The following SAMMSON variants were observed in gnomAD, a reference collection of about 807,000 sequenced individuals.
SAMMSON encodes long intergenic non-protein coding RNA 1212.
intron 4 of SAMMSON, among the ~76,000 whole-genome samples, chr3:70,159,056 G>C (rs996416924): frequency 6.6e-6 from 1 of 151,608 alleles, no homozygotes; most frequent in Admixed American, 6.6e-5. Context: ...TTTACATTAG[G>C]ACAAAAATTT....
rs139450473 is a variant in SAMMSON at position 70,165,760 on chromosome 3, C to A, written n.508-83347C>A. 6.1e-3 allele frequency among the ~76,000 whole-genome samples: 929 copies of A among 152,074 alleles called. 5 individuals carry two copies. Among genetic ancestry groups the A allele is most frequent in the African/African-American group, 0.02 (813 of 41,520 alleles). ...CTTCTCTGTCTACTCTTTTAAAGTTCTTGCTCATCAAATTTACCATTCTTA... is the reference window on the plus strand; with the variant it reads ...CTTCTCTGTCTACTCTTTTAAAGTTATTGCTCATCAAATTTACCATTCTTA... On this transcript the variant is annotated intron_variant and non_coding_transcript_variant, in intron 4 of 9. Coordinates refer to ENST00000642114, the Ensembl canonical transcript of SAMMSON.
At chr3:70,183,660 T>C (rs1449895820) in intron 4 of SAMMSON, 1 of 152,190 alleles carries the variant, frequency 6.6e-6, no homozygotes, top group East Asian at 1.9e-4. Flanking sequence ...GGTGTCCAAA[T>C]TGTGACAGAA....
downstream of SAMMSON, among the ~76,000 whole-genome samples, chr3:70,394,717 G>GA (rs1276087285): frequency 2.0e-5 from 3 of 152,074 alleles, no homozygotes; most frequent in Non-Finnish European, 2.9e-5. Flanking sequence ...AATAATGCAA[G>GA]AAAAAACTAT....
intron 2 of SAMMSON, among the ~76,000 whole-genome samples, chr3:70,427,351 G>C (rs1701378193): frequency 6.6e-6 from 1 of 152,092 alleles, no homozygotes. Context: ...GGTTTATAAG[G>C]TGTATTTCTT....
intron 1 of SAMMSON, among the ~76,000 whole-genome samples, chr3:70,011,652 T>C (rs1352429713): frequency 6.6e-6 from 1 of 151,658 alleles, no homozygotes; most frequent in Non-Finnish European, 1.5e-5. Context: ...GGTTAAGAAG[T>C]GTCTGAAAAC....
At chr3:70,318,490 G>A (rs1324286282) in intron 7 of SAMMSON, among the ~76,000 whole-genome samples, 1 of 151,878 alleles carries the variant, frequency 6.6e-6, no homozygotes, top group Non-Finnish European at 1.5e-5. Context: ...GAGTGTGTGT[G>A]TGTAGTTCTT....
At chr3:70,276,076 C>G (rs1702022902) in intron 6 of SAMMSON, among the ~76,000 whole-genome samples, 1 of 151,940 alleles carries the variant, frequency 6.6e-6, no homozygotes, top group African/African-American at 2.4e-5. Context: ...TAACAAAATA[C>G]AATTATAATT....
At chr3:70,391,132 C>T (rs1701044288), downstream of SAMMSON, among the ~76,000 whole-genome samples, 2 of 152,164 alleles carry the variant, frequency 1.3e-5, no homozygotes, top group Admixed American at 6.6e-5. Flanking sequence ...GCAGCTGAGA[C>T]TATATGCCCT....
chr3:70,034,987 C>T (rs2107584826), intron 3 of SAMMSON, among the ~76,000 whole-genome samples: 1 of 152,252 alleles, frequency 6.6e-6, no homozygotes, highest in South Asian at 2.1e-4. Context: ...AAAACAATAT[C>T]AATGACCTCA....
intron 4 of SAMMSON, among the ~76,000 whole-genome samples, chr3:70,100,545 G>A (rs6782608): frequency 0.44 from 57,050 of 129,178 alleles, 11,657 homozygotes; most frequent in East Asian, 0.72. Context: ...AGCACCAAAT[G>A]TAGTTTTCTG....
intron 6 of SAMMSON, among the ~76,000 whole-genome samples, chr3:70,276,698 A>G (rs1420511118): frequency 6.6e-6 from 1 of 152,194 alleles, no homozygotes; most frequent in East Asian, 1.9e-4. Context: ...TTGTAAGTCA[A>G]GTTTTGTTGG....
chr3:70,285,193 G>T (rs1435449996), intron 6 of SAMMSON, among the ~76,000 whole-genome samples: 1 of 145,334 alleles, frequency 6.9e-6, no homozygotes, highest in African/African-American at 2.5e-5. Context: ...ACCTCCCAAT[G>T]CTATCCCTCC....
chr3:70,199,631 G>T (rs1388961707), intron 4 of SAMMSON, among the ~76,000 whole-genome samples: 1 of 152,148 alleles, frequency 6.6e-6, no homozygotes, highest in Non-Finnish European at 1.5e-5. Context: ...TTCTACATGA[G>T]CAGGTAAAAC....
rs1286538341 is a variant in SAMMSON at position 70,028,152 on chromosome 3, TTC to T, written n.417+14481_417+14482del. ...GTCCCTTCCTTCCTTCTTTCCTTCC[TTC>T]CTTCCTTCCTTCCTTCCTTCCTTCC... On this transcript the variant is annotated intron_variant and non_coding_transcript_variant, in intron 3 of 9. Coordinates refer to ENST00000642114, the Ensembl canonical transcript of SAMMSON. Among the ~76,000 whole-genome samples, 37 of 42,972 alleles carry T rather than the reference TTC, an allele frequency of 8.6e-4. No individual in the cohort carries two copies. In the East Asian group the frequency reaches 0.015, roughly 17 times the overall value. The allele number at this position is 42,972 out of a possible 152,430, so 28.2% of individuals were successfully genotyped here.
intron 2 of SAMMSON, among the ~76,000 whole-genome samples, chr3:70,420,804 G>A (rs1012623842): frequency 6.6e-6 from 1 of 152,174 alleles, no homozygotes; most frequent in Non-Finnish European, 1.5e-5. Context: ...TGAGCTGAAA[G>A]TATACAAGAT....
chr3:70,245,706 T>TAC (rs1220684207), intron 4 of SAMMSON, among the ~76,000 whole-genome samples: 1 of 137,798 alleles, frequency 7.3e-6, no homozygotes, highest in East Asian at 2.1e-4. Flanking sequence ...TATATATATA[T>TAC]ATATATATAC....
intron 2 of SAMMSON, among the ~76,000 whole-genome samples, chr3:70,012,924 T>G (rs2066964041): frequency 6.6e-6 from 1 of 152,152 alleles, no homozygotes; most frequent in Non-Finnish European, 1.5e-5. Flanking sequence ...TTCTTCCTTT[T>G]TATCTACCCT....
intron 6 of SAMMSON, among the ~76,000 whole-genome samples, chr3:70,290,657 G>A (rs900718775): frequency 1.3e-5 from 2 of 152,160 alleles, no homozygotes; most frequent in African/African-American, 4.8e-5. Context: ...CCCTCCCCTA[G>A]CCTCGCTGCC....
chr3:70,045,416 A>T (rs372377913), intron 3 of SAMMSON, among the ~76,000 whole-genome samples: 1 of 151,456 alleles, frequency 6.6e-6, no homozygotes, highest in South Asian at 2.1e-4. Flanking sequence ...AAGCAAGAGA[A>T]TCAATCTCTT....
Sources: gnomAD v4.1 joint callset for allele counts (sites outside exome capture counted in the v4.1 genomes callset) on GRCh38, gnomAD v4.1.1 for gene constraint, MANE v1.5 for transcripts, NCBI Gene and HGNC (gene_info 2026-07-23, HGNC 2026-07-21) for gene names.